TTYH1: variants seen among roughly 807,000 people sequenced by gnomAD.
TTYH1 encodes the protein protein tweety homolog 1.
Under a neutral mutation model 61.2 loss-of-function variants are expected in TTYH1, and 33 were observed. The observed-to-expected ratio is 0.54, with a 90% CI of 0.41 to 0.72. TTYH1 has a LOEUF of 0.72. Among genes scored for constraint, TTYH1 ranks in the 30% least tolerant of loss-of-function variants. The probability of loss-of-function intolerance (pLI) is 0.00; values close to 1 mark genes in which losing one functional copy is unlikely to be tolerated. For synonymous variants in TTYH1, 308 were observed against 266.4 expected (o/e 1.16, Z -1.52); for missense variants, 538 against 575.8 (o/e 0.93, Z 0.67).
At chr19:54,422,709 A>G (rs539521858) in intron 4 of TTYH1, among the ~76,000 whole-genome samples, 1 of 152,040 alleles carries the variant, frequency 6.6e-6, no homozygotes, top group Admixed American at 6.6e-5. Context: ...TGGGTGGATC[A>G]CCTGAGGTCA....
rs2083082412 is a variant in TTYH1, at chr19:54,416,589, TG to T, written c.126+914del. 1 of 439,232 alleles carries T rather than the reference TG, an allele frequency of 2.3e-6. No homozygotes were observed. Among genetic ancestry groups the T allele is most frequent in the Admixed American group, 3.9e-5 (1 of 25,592 alleles). The allele number at this position is 439,232 out of a possible 1,614,324, so 27.2% of individuals were successfully genotyped here. On this transcript the variant is annotated intron_variant, in intron 1 of 13. Transcript: ENST00000376530. The surrounding 1 kb of genome is among the most constrained non-coding windows in gnomAD (Gnocchi z 7.0). ...GGGCCTGAGCCCCTGGGCTCCGTCT[TG>T]GGTTGCTCCTGGGAGAAGGGGGCTG...
chr19:54,431,183 C>G lies in TTYH1; in HGVS notation c.1117C>G (p.Leu373Val). The G allele has an allele frequency of 3.7e-6, 6 of 1,613,158 alleles. No individual in the cohort carries two copies. Among genetic ancestry groups the G allele is most frequent in the Non-Finnish European group, 5.1e-6 (6 of 1,179,172 alleles). ...GGTGGCACTGCTACACTGCCGCAGCCTGCACAAGGTGAAGCCCCTCCCCTC... is the reference window on the plus strand; with the variant it reads ...GGTGGCACTGCTACACTGCCGCAGCGTGCACAAGGTGAAGCCCCTCCCCTC... ...QLVALLHCRS[L>V]HKDYGAALRG... Residue 373 changes from leucine (L) to valine (V), a missense_variant, in exon 10 of 14, where the codon CTG (leucine) becomes GTG (valine). Leu to Val is a conservative substitution (Grantham distance 32, BLOSUM62 1). Coordinates refer to ENST00000376530, the MANE Select transcript of TTYH1 (RefSeq NM_020659.4).
In TTYH1 at chr19:54,419,761, C is replaced by G. The variant is rs77255381; in HGVS notation, c.305+455C>G. On this transcript the variant is annotated intron_variant, in intron 2 of 13. Coordinates refer to ENST00000376530, the MANE Select transcript of TTYH1 (RefSeq NM_020659.4). The surrounding 1 kb of genome is among the most constrained non-coding windows in gnomAD (Gnocchi z 6.1). ...GCCAACATTAACTGGTGATGTCTGT[C>G]ATTCCGTCATTCACCAGCTCATTCA... Among the ~76,000 whole-genome samples, 310 of 152,262 alleles carry G rather than the reference C, an allele frequency of 2.0e-3. No homozygotes were observed. The highest frequency in any genetic ancestry group is 5.4e-3 in the Admixed American group (82 of 15,288).
In TTYH1 at chr19:54,419,928, C is replaced by T. The variant is rs2083172656; in HGVS notation, c.305+622C>T. Among the ~76,000 whole-genome samples the T allele has an allele frequency of 6.6e-6, 1 of 152,148 alleles. No individual in the cohort carries two copies. Among genetic ancestry groups the T allele is most frequent in the Admixed American group, 6.6e-5 (1 of 15,258 alleles). ...ACCCTCCAAGAGCACCTCATCTGTG[C>T]CCAGACCTGAGCTGGTCTAATTCCT... On this transcript the variant is annotated intron_variant, in intron 2 of 13. Transcript: ENST00000376530. The surrounding 1 kb of genome is among the most constrained non-coding windows in gnomAD (Gnocchi z 6.1).
At position 54,421,367 on chromosome 19, in the gene TTYH1, A is replaced by G; in HGVS notation, c.396A>G (p.Thr132=). The stretch of plus-strand genomic sequence containing the variant: ...CTGCGCTGCTGCACGCCAACCACAC[A>G]CTCAGCACCATTGACCACCTGGTGA... ...LSSALLHANH[T]LSTIDHLVLE... is the part of the protein sequence containing the mutation. The change falls in exon 3 of 14, where the codon ACA becomes ACG. Residue 132 remains threonine (T), a synonymous_variant. Transcript: ENST00000376530. This position sits in a 1 kb window ranked among gnomAD's most constrained non-coding sequence, Gnocchi z 4.8. 1.2e-6 allele frequency: 2 copies of G among 1,613,462 alleles called. No individual in the cohort carries two copies. Among genetic ancestry groups the G allele is most frequent in the Non-Finnish European group, 1.7e-6 (2 of 1,179,574 alleles).
At position 54,419,400 on chromosome 19, in the gene TTYH1, A is replaced by G. The variant is rs1461126147; in HGVS notation, c.305+94A>G. 7.5e-7 allele frequency: 1 copy of G among 1,339,128 alleles called. No homozygotes were observed. Among genetic ancestry groups the G allele is most frequent in the African/African-American group, 1.4e-5 (1 of 69,508 alleles). 83.0% of individuals were successfully genotyped at this position (1,339,128 alleles called of 1,614,324 possible). On this transcript the variant is annotated intron_variant, in intron 2 of 13. Transcript: ENST00000376530. This position sits in a 1 kb window ranked among gnomAD's most constrained non-coding sequence, Gnocchi z 6.1. ...GGGTGTCCTCCGGGGACATGGAGGA[A>G]GCAGACAGGAAGGAGGAAACTCCCT...
chr19:54,416,905 G>A lies in TTYH1; in HGVS notation c.126+1227G>A, dbSNP rs755041231. ...CCCGAAGCCGCACGCGGGGATCCGC[G>A]GCCCCAGTCACCGCCAGAGGCACGG... On this transcript the variant is annotated intron_variant, in intron 1 of 13. Transcript: ENST00000376530. The surrounding 1 kb of genome is among the most constrained non-coding windows in gnomAD (Gnocchi z 7.0). 2 of 1,285,844 alleles carry A rather than the reference G, an allele frequency of 1.6e-6. No homozygotes were observed. The highest frequency in any genetic ancestry group is 1.5e-5 in the African/African-American group (1 of 65,396). The allele number at this position is 1,285,844 out of a possible 1,614,324, so 79.7% of individuals were successfully genotyped here. A position where few individuals can be genotyped will look rare whatever the true frequency, so the allele number is the denominator to read the frequency against.
chr19:54,420,425 T>C lies in TTYH1; in HGVS notation c.306-852T>C, dbSNP rs2083187183. On this transcript the variant is annotated intron_variant, in intron 2 of 13. Coordinates refer to ENST00000376530, the MANE Select transcript of TTYH1 (RefSeq NM_020659.4). This position sits in a 1 kb window ranked among gnomAD's most constrained non-coding sequence, Gnocchi z 4.8. ...CAGCCTGGGAACAAGAGGAGCTTTGTAGGACTCTGAACAATGGGGCGGGGA... is the reference window on the plus strand; with the variant it reads ...CAGCCTGGGAACAAGAGGAGCTTTGCAGGACTCTGAACAATGGGGCGGGGA... Among the ~76,000 whole-genome samples the C allele has an allele frequency of 6.6e-6, 1 of 151,978 alleles. No homozygotes were observed. Among genetic ancestry groups the C allele is most frequent in the South Asian group, 2.1e-4 (1 of 4,824 alleles).
intron 5 of TTYH1, 113 bp downstream of exon 5, chr19:54,426,881 C>A: frequency 1.1e-6 from 1 of 929,582 alleles, no homozygotes; most frequent in Non-Finnish European, 1.6e-6. Context: ...CGGCCGGGTA[C>A]ACACGAAGAA....
rs2083151156 is a variant in TTYH1, at chr19:54,419,181, T to C, written c.180T>C (p.Ile60=). The change falls in exon 2 of 14, where the codon ATT becomes ATC. Residue 60 remains isoleucine, a synonymous_variant. Transcript: ENST00000376530. This position sits in a 1 kb window ranked among gnomAD's most constrained non-coding sequence, Gnocchi z 6.1. ...GCCTGGGCTTGGGCCTGAGCCTCAT[T>C]TTCATCGCTGTCTACCTCATCCGCT... ...LAGLGLGLSL[I]FIAVYLIRFC... 6.2e-7 allele frequency: 1 copy of C among 1,613,168 alleles called. No homozygotes were observed. Among genetic ancestry groups the C allele is most frequent in the South Asian group, 1.1e-5 (1 of 91,072 alleles).
chr19:54,428,709 C>T (rs1053567669), intron 5 of TTYH1, among the ~76,000 whole-genome samples: 2 of 152,150 alleles, frequency 1.3e-5, no homozygotes, highest in Non-Finnish European at 2.9e-5. Context: ...ACCTCCATTG[C>T]CCCTGAGAGA....
In TTYH1 at chr19:54,429,484, G is replaced by A. The variant is rs2083391276; in HGVS notation, c.807+105G>A. Reference sequence around the variant, plus strand: ...GGCTTAGTAGAGAAAGGAATTGGGGGGCACGATCACAGCTCTGAGGTTTAG... The same window carrying A: ...GGCTTAGTAGAGAAAGGAATTGGGGAGCACGATCACAGCTCTGAGGTTTAG... On this transcript the variant is annotated intron_variant, in intron 6 of 13. Transcript: ENST00000376530. This position sits in a 1 kb window ranked among gnomAD's most constrained non-coding sequence, Gnocchi z 5.1. The A allele has an allele frequency of 1.9e-6, 2 of 1,069,384 alleles. No individual in the cohort carries two copies. Among genetic ancestry groups the A allele is most frequent in the Non-Finnish European group, 2.8e-6 (2 of 707,650 alleles). 66.2% of individuals were successfully genotyped at this position (1,069,384 alleles called of 1,614,324 possible). A position where few individuals can be genotyped will look rare whatever the true frequency, so the allele number is the denominator to read the frequency against.
rs1386276510 is a variant in TTYH1, at chr19:54,416,730, G to T, written c.126+1052G>T. 3 of 1,287,768 alleles carry T rather than the reference G, an allele frequency of 2.3e-6. No homozygotes were observed. Among genetic ancestry groups the T allele is most frequent in the Admixed American group, 2.3e-5 (1 of 43,356 alleles). 79.8% of individuals were successfully genotyped at this position (1,287,768 alleles called of 1,614,324 possible). On this transcript the variant is annotated intron_variant, in intron 1 of 13. Coordinates refer to ENST00000376530, the MANE Select transcript of TTYH1 (RefSeq NM_020659.4). The surrounding 1 kb of genome is among the most constrained non-coding windows in gnomAD (Gnocchi z 7.0). ...GCACAGCCCTGAGCAGCTCTTCCCCGCCTGCTCCTCGCCGCCCCCTCTCCC... is the reference window on the plus strand; with the variant it reads ...GCACAGCCCTGAGCAGCTCTTCCCCTCCTGCTCCTCGCCGCCCCCTCTCCC...
At chr19:54,418,999 T>G in intron 1 of TTYH1, 129 bp from the exon 2 acceptor site, 1 of 909,726 alleles carries the variant, frequency 1.1e-6, no homozygotes, top group Non-Finnish European at 1.6e-6. Flanking sequence ...TCCCCCAAGA[T>G]TAGGCCAGGG....
intron 9 of TTYH1, 75 bp downstream of exon 9, chr19:54,430,980 GTAGGCGGGGCTGCAGAGC>G (rs1216953480): frequency 3.9e-5 from 61 of 1,546,310 alleles, no homozygotes; most frequent in Non-Finnish European, 5.1e-5. Flanking sequence ...GCTGTGGGGC[GTAGGCGGGGCTGCAGAGC>G]TAGGCGGGGC....
At chr19:54,425,982 C>T (rs529732776) in intron 4 of TTYH1, among the ~76,000 whole-genome samples, 17 of 152,320 alleles carry the variant, frequency 1.1e-4, no homozygotes, top group East Asian at 5.8e-4. Context: ...TCCCAAAATG[C>T]GCGGATTACA....
At position 54,419,026 on chromosome 19, in the gene TTYH1, C is replaced by A; in HGVS notation, c.127-102C>A. 1 of 1,205,944 alleles carries A rather than the reference C, an allele frequency of 8.3e-7. No individual in the cohort carries two copies. The highest frequency in any genetic ancestry group is 1.2e-6 in the Non-Finnish European group (1 of 859,068). The allele number at this position is 1,205,944 out of a possible 1,614,324, so 74.7% of individuals were successfully genotyped here. A position where few individuals can be genotyped will look rare whatever the true frequency, so the allele number is the denominator to read the frequency against. On this transcript the variant is annotated intron_variant, in intron 1 of 13. Coordinates refer to ENST00000376530, the MANE Select transcript of TTYH1 (RefSeq NM_020659.4). This position sits in a 1 kb window ranked among gnomAD's most constrained non-coding sequence, Gnocchi z 6.1. ...AGGCCAGGGATGTCTCCCACCTTCACTCTGACATCCCAGACCCCGACCCCC... is the reference window on the plus strand; with the variant it reads ...AGGCCAGGGATGTCTCCCACCTTCAATCTGACATCCCAGACCCCGACCCCC...
At position 54,419,503 on chromosome 19, in the gene TTYH1, T is replaced by C; in HGVS notation, c.305+197T>C. The C allele has an allele frequency of 4.1e-6, 3 of 729,678 alleles. No homozygotes were observed. Among genetic ancestry groups the C allele is most frequent in the Non-Finnish European group, 7.3e-6 (3 of 410,734 alleles). The allele number at this position is 729,678 out of a possible 1,614,324, so 45.2% of individuals were successfully genotyped here. ...TGTCCCATTTGATGGATGGAGAAAG[T>C]GAGGCTCTGGAGAGGAAGTGAATCA... On this transcript the variant is annotated intron_variant, in intron 2 of 13. Coordinates refer to ENST00000376530, the MANE Select transcript of TTYH1 (RefSeq NM_020659.4). This position sits in a 1 kb window ranked among gnomAD's most constrained non-coding sequence, Gnocchi z 6.1.
At chr19:54,430,109 G>T in intron 7 of TTYH1, 152 bp downstream of exon 7, 1 of 683,426 alleles carries the variant, frequency 1.5e-6, no homozygotes, top group Non-Finnish European at 2.4e-6. Context: ...CAGGGCTCCT[G>T]GCCACTCCCC....
Sources: allele counts gnomAD v4.1 joint callset (sites outside exome capture counted in the v4.1 genomes callset), GRCh38; gene constraint gnomAD v4.1.1; non-coding constraint Gnocchi (gnomAD v3.1); transcripts MANE v1.5; gene names NCBI Gene and HGNC (gene_info 2026-07-23, HGNC 2026-07-21).